SRP72: variants seen among roughly 807,000 people sequenced by gnomAD.
SRP72 encodes the protein signal recognition particle 72.
A neutral mutation model predicts 96.3 loss-of-function variants in SRP72; 49 were observed. The ratio of observed to expected loss-of-function variants is 0.51; its 90% CI spans 0.40 to 0.65. SRP72 has a LOEUF of 0.65. SRP72 is among the 30% of genes least tolerant of loss of function. SRP72 has a pLI of 0.00. For synonymous variants in SRP72, 267 were observed against 275.2 expected, an observed-to-expected ratio of 0.97 and a Z score of 0.30; for missense variants, 736 against 793.3, an observed-to-expected ratio of 0.93 and a Z score of 0.87.
In SRP72 at chr4:56,467,692, C is replaced by T. The variant is rs1481940756; in HGVS notation, c.57C>T (p.Asn19=). 2 of 1,564,346 alleles carry T rather than the reference C, an allele frequency of 1.3e-6. No individual in the cohort carries two copies. Among genetic ancestry groups the T allele is most frequent in the East Asian group, 2.6e-5 (1 of 39,084 alleles). The part of the protein sequence containing the change: ...VSVPALWSEV[N]RYGQNGDFTR... ...TACCTGCGCTGTGGAGTGAAGTGAACCGGTATGGCCAGAACGGCGACTTCA... is the reference window on the plus strand; with the variant it reads ...TACCTGCGCTGTGGAGTGAAGTGAATCGGTATGGCCAGAACGGCGACTTCA... The change falls in exon 1 of 19, where the codon AAC becomes AAT. Residue 19 remains asparagine (N), a synonymous_variant. Coordinates refer to ENST00000642900, the MANE Select transcript of SRP72 (RefSeq NM_006947.4).
rs141475605 is a variant in SRP72, at chr4:56,469,734, C to T, written c.191C>T (p.Ala64Val). ...ATCCAGAATGGAAGTTTCAAGGAAG[C>T]TTTGAATGTCATCAATACTCACACC... ...CLIQNGSFKE[A>V]LNVINTHTKV... Residue 64 changes from alanine to valine, a missense_variant, in exon 2 of 19, where the codon GCT becomes GTT. Physicochemically the swap from Ala to Val is moderately conservative, Grantham distance 64. Coordinates refer to ENST00000642900, the MANE Select transcript of SRP72 (RefSeq NM_006947.4). 400 of 1,612,578 alleles carry T rather than the reference C, an allele frequency of 2.5e-4. No individual in the cohort carries two copies. The highest frequency in any genetic ancestry group is 3.2e-4 in the Non-Finnish European group (373 of 1,178,932).
chr4:56,478,154 C>CTTTTT (rs796835545), intron 6 of SRP72, among the ~76,000 whole-genome samples: 50 of 115,736 alleles, frequency 4.3e-4, no homozygotes, highest in East Asian at 9.9e-4. Flanking sequence ...TTTGCCTTTT[C>CTTTTT]TTTTTTTTTT....
At chr4:56,491,599 G>A (rs1720909896) in intron 16 of SRP72, 31 bp downstream of exon 16, 1 of 1,589,324 alleles carries the variant, frequency 6.3e-7, no homozygotes, top group Non-Finnish European at 8.6e-7. Flanking sequence ...GTTCTCTAAT[G>A]CTGATTTTAA....
chr4:56,486,636 C>G, intron 11 of SRP72, among the ~76,000 whole-genome samples: 1 of 152,156 alleles, frequency 6.6e-6, no homozygotes, highest in East Asian at 1.9e-4. Context: ...CTTGAAAGTT[C>G]TGAAGCAAAG....
At chr4:56,481,893 G>A (rs1171474644) in intron 8 of SRP72, among the ~76,000 whole-genome samples, 2 of 150,670 alleles carry the variant, frequency 1.3e-5, no homozygotes, top group Non-Finnish European at 3.0e-5. Context: ...AGCCTTCTGA[G>A]TAGCTGGGAC....
Position 56,490,328 on chromosome 4 carries a change from T to G in SRP72, c.1321-5T>G, listed in dbSNP as rs753969251. On this transcript the variant is annotated splice_region_variant and splice_polypyrimidine_tract_variant and intron_variant, in intron 13 of 18. Transcript: ENST00000642900. ...ACTTTTTTTTTCTTTTTATTGAAAC[T>G]GTAGCCAAAATCTCCTGCTCATTTG... The G allele has an allele frequency of 6.2e-7, 1 of 1,605,572 alleles. No individual in the cohort carries two copies.
rs977075616 is a variant in SRP72, at chr4:56,478,769, G to A, written c.825+120G>A. 10 of 955,604 alleles carry A rather than the reference G, an allele frequency of 1.0e-5. No homozygotes were observed. In the Admixed American group the frequency reaches 2.8e-4, roughly 27 times the overall value. The allele number at this position is 955,604 out of a possible 1,614,324, so 59.2% of individuals were successfully genotyped here. On this transcript the variant is annotated intron_variant, in intron 8 of 18. Transcript: ENST00000642900. ...TTAACATGATGAAAAAAGTCCAGTT[G>A]TAGCAAAATCACAATGGATAGTATT...
At chr4:56,491,797 G>A (rs1171128473) in intron 16 of SRP72, 3 of 384,798 alleles carry the variant, frequency 7.8e-6, no homozygotes, top group Non-Finnish European at 1.4e-5. Flanking sequence ...TTTTCTTTGT[G>A]TTTACACACA....
In SRP72 at chr4:56,490,599, C is replaced by A; in HGVS notation, c.1456C>A (p.Gln486Lys). Residue 486 changes from glutamine (Q) to lysine (K), a missense_variant, in exon 15 of 19, where the codon CAG becomes AAG. Gln to Lys is a moderately conservative substitution (Grantham distance 53). Transcript: ENST00000642900. ...QNPKDIHTLAQLISAYSLVDP... is the reference protein window; with the variant it reads ...QNPKDIHTLAKLISAYSLVDP... ...TCCAAAAGATATTCACACCCTGGCA[C>A]AGCTTATTTCTGCTTACTCACTTGT... 1 of 1,613,942 alleles carries A rather than the reference C, an allele frequency of 6.2e-7. No individual in the cohort carries two copies. Among genetic ancestry groups the A allele is most frequent in the Non-Finnish European group, 8.5e-7 (1 of 1,179,936 alleles).
rs374241302 is a variant in SRP72 at position 56,490,406 on chromosome 4, A to T, written c.1394A>T (p.Glu465Val). The T allele has an allele frequency of 1.9e-6, 3 of 1,614,074 alleles. No individual in the cohort carries two copies. Among genetic ancestry groups the T allele is most frequent in the Non-Finnish European group, 2.5e-6 (3 of 1,179,972 alleles). ...AAACTCAAATATGGGCGGAAGAAGGAGGCAATTAGTGACCTACAACAGCTG... is the reference window on the plus strand; with the variant it reads ...AAACTCAAATATGGGCGGAAGAAGGTGGCAATTAGTGACCTACAACAGCTG... Reference protein sequence around the residue: ...NFKLKYGRKKEAISDLQQLWK... With the variant: ...NFKLKYGRKKVAISDLQQLWK... Residue 465 changes from glutamate (E) to valine (V), a missense_variant, in exon 14 of 19, where the codon GAG becomes GTG. Coordinates refer to ENST00000642900, the MANE Select transcript of SRP72 (RefSeq NM_006947.4).
intron 8 of SRP72, among the ~76,000 whole-genome samples, chr4:56,479,022 T>A (rs559137977): frequency 1.3e-5 from 2 of 152,266 alleles, no homozygotes; most frequent in East Asian, 3.9e-4. Flanking sequence ...GTTCTTTATA[T>A]AATTTTCTCT....
chr4:56,490,511 A>G (rs369352972), intron 14 of SRP72, 57 bp from the exon 15 acceptor site: 4 of 1,599,530 alleles, frequency 2.5e-6, no homozygotes, highest in African/African-American at 1.3e-5. Flanking sequence ...TTACTTGTTT[A>G]TATTACTTTC....
At chr4:56,487,809 T>G in intron 11 of SRP72, 140 bp from the exon 12 acceptor site, 1 of 624,438 alleles carries the variant, frequency 1.6e-6, no homozygotes, top group Non-Finnish European at 2.8e-6. Context: ...CCCCAAAGTT[T>G]ATATGTTTAG....
chr4:56,487,459 A>C (rs1720753141), intron 11 of SRP72, among the ~76,000 whole-genome samples: 1 of 152,178 alleles, frequency 6.6e-6, no homozygotes, highest in Admixed American at 6.5e-5. Flanking sequence ...TCTTGAAATT[A>C]CTGACAATCT....
At chr4:56,500,413 C>A in intron 17 of SRP72, 123 bp from the exon 18 acceptor site, 6 of 1,094,500 alleles carry the variant, frequency 5.5e-6, no homozygotes, top group South Asian at 3.7e-5. Context: ...ACAAACTAAA[C>A]TTTCTCAAAT....
chr4:56,500,549 G>T lies in SRP72; in HGVS notation c.1692G>T (p.Lys564Asn). 6.2e-7 allele frequency: 1 copy of T among 1,612,800 alleles called. No individual in the cohort carries two copies. Among genetic ancestry groups the T allele is most frequent in the South Asian group, 1.1e-5 (1 of 90,954 alleles). Residue 564 changes from lysine to asparagine, a missense_variant, in exon 18 of 19, where the codon AAG (lysine) becomes AAT (asparagine). Around this residue, in one of 3 missense-constraint regions of SRP72, gnomAD observed 388 missense variants for 431.8 expected, o/e 0.90. Transcript: ENST00000642900. ...KKKKKKGKLPKNYDPKVTPDP... is the reference protein window; with the variant it reads ...KKKKKKGKLPNNYDPKVTPDP... ...ATCGTTATGCAGGAAAATTGCCTAA[G>T]AATTATGACCCAAAAGTTACCCCAG...
In SRP72 at chr4:56,476,682, C is replaced by T. The variant is rs375436807; in HGVS notation, c.622C>T (p.Arg208Cys). The T allele has an allele frequency of 1.7e-4, 272 of 1,612,328 alleles. No individual in the cohort carries two copies. The highest frequency in any genetic ancestry group is 6.8e-4 in the South Asian group (62 of 90,898). ...ILQKAEDLCR[R>C]SLSEDTDGTE... Reference sequence around the variant, plus strand: ...TTTTTCTCCTGTAGATCTTTGCCGCCGTTCATTATCAGAAGACACTGTAAG... The same window carrying T: ...TTTTTCTCCTGTAGATCTTTGCCGCTGTTCATTATCAGAAGACACTGTAAG... Residue 208 changes from arginine (R) to cysteine (C), a missense_variant, in exon 6 of 19, where the codon CGT (arginine) becomes TGT (cysteine). Around this residue, in one of 3 missense-constraint regions of SRP72, gnomAD observed 329 missense variants for 319.0 expected, o/e 1.03. Coordinates refer to ENST00000642900, the MANE Select transcript of SRP72 (RefSeq NM_006947.4).
At position 56,484,754 on chromosome 4, in the gene SRP72, A is replaced by G. The variant is rs756869170; in HGVS notation, c.976A>G (p.Ile326Val). 5.5e-5 allele frequency: 89 copies of G among 1,614,022 alleles called. No homozygotes were observed. Among genetic ancestry groups the G allele is most frequent in the Non-Finnish European group, 7.2e-5 (85 of 1,180,034 alleles). ...CTTCTAGGCTGAACAATGCCGCAAAATATCTGCCAGTTTACAGTCCCAAAG... is the reference window on the plus strand; with the variant it reads ...CTTCTAGGCTGAACAATGCCGCAAAGTATCTGCCAGTTTACAGTCCCAAAG... ...YTNQAEQCRK[I>V]SASLQSQSPE... The change falls in exon 10 of 19, where the codon ATA becomes GTA. Residue 326 changes from isoleucine to valine, a missense_variant. Physicochemically the swap from Ile to Val is conservative, Grantham distance 29. Coordinates refer to ENST00000642900, the MANE Select transcript of SRP72 (RefSeq NM_006947.4).
chr4:56,491,596 A>G, intron 16 of SRP72, 28 bp downstream of exon 16: 4 of 1,595,256 alleles, frequency 2.5e-6, no homozygotes, highest in East Asian at 2.2e-5. Flanking sequence ...AACGTTCTCT[A>G]ATGCTGATTT....
Sources: gnomAD v4.1 joint callset for allele counts (sites outside exome capture counted in the v4.1 genomes callset) on GRCh38, gnomAD v4.1.1 for gene constraint, gnomAD v4.1.1 regional missense constraint, MANE v1.5 for transcripts, NCBI Gene and HGNC (gene_info 2026-07-23, HGNC 2026-07-21) for gene names.